The following DIAPH3 variants were observed in gnomAD, a reference collection of about 807,000 sequenced individuals.
DIAPH3 encodes protein diaphanous homolog 3.
DIAPH3 carries 117 observed loss-of-function variants against 144.3 expected under a neutral mutation model. The ratio of observed to expected loss-of-function variants is 0.81; its 90% CI spans 0.70 to 0.95. The LOEUF is 0.95. DIAPH3 is among the 40% of genes least tolerant of loss of function. The pLI is 0.00. For synonymous variants in DIAPH3, 519 were observed against 488.9 expected (o/e 1.06, Z -0.81); for missense variants, 1,421 against 1,412.7 (o/e 1.01, Z -0.09).
At chr13:59,775,257 T>G (rs2139285965) in intron 25 of DIAPH3, among the ~76,000 whole-genome samples, 1 of 152,122 alleles carries the variant, frequency 6.6e-6, no homozygotes, top group African/African-American at 2.4e-5. Flanking sequence ...TTTTTGTTTT[T>G]TTTGAGACAG....
intron 27 of DIAPH3, among the ~76,000 whole-genome samples, chr13:59,709,593 C>T (rs1314547915): frequency 3.9e-5 from 6 of 152,188 alleles, no homozygotes; most frequent in African/African-American, 1.4e-4. Context: ...AGTCAGCAAA[C>T]AACAGGTGCT....
rs1294402888 is a variant in DIAPH3 at position 59,961,387 on chromosome 13, C to T, written c.2074+8557G>A. Among the ~76,000 whole-genome samples the T allele has an allele frequency of 2.0e-5, 3 of 152,322 alleles. No individual in the cohort carries two copies. In the East Asian group the frequency reaches 5.8e-4, roughly 29 times the overall value. ...CTACGCTGTAAAAGCCAGGGTCACACACTTGTAGGGTGGACTCCACAACAT... is the reference window on the plus strand; with the variant it reads ...CTACGCTGTAAAAGCCAGGGTCACATACTTGTAGGGTGGACTCCACAACAT... On this transcript the variant is annotated intron_variant, in intron 17 of 27. Transcript: ENST00000400324.
intron 24 of DIAPH3, among the ~76,000 whole-genome samples, chr13:59,817,186 T>C (rs1292364173): frequency 6.6e-6 from 1 of 151,922 alleles, no homozygotes; most frequent in African/African-American, 2.4e-5. Flanking sequence ...ATTCTTTAAT[T>C]ATCGAGTTTG....
chr13:60,111,731 C>T (rs971759124), intron 3 of DIAPH3, among the ~76,000 whole-genome samples: 2 of 152,168 alleles, frequency 1.3e-5, no homozygotes, highest in South Asian at 2.1e-4. Context: ...GGTTGGGGAC[C>T]GCTGACTTAA....
chr13:59,920,733 A>G (rs977451517), intron 18 of DIAPH3, among the ~76,000 whole-genome samples: 5 of 151,922 alleles, frequency 3.3e-5, no homozygotes, highest in African/African-American at 1.2e-4. Flanking sequence ...ACTCTAGGCC[A>G]AAAGGACCTA....
At chr13:59,841,093 C>G (rs1449379412) in intron 22 of DIAPH3, among the ~76,000 whole-genome samples, 1 of 152,080 alleles carries the variant, frequency 6.6e-6, no homozygotes, top group Non-Finnish European at 1.5e-5. Flanking sequence ...GTTTCATTTA[C>G]TCTTCCCGTT....
chr13:59,765,233 T>G (rs1181351923), intron 27 of DIAPH3, among the ~76,000 whole-genome samples: 1 of 152,226 alleles, frequency 6.6e-6, no homozygotes, highest in Non-Finnish European at 1.5e-5. Flanking sequence ...GAAAATTAAT[T>G]TCCATGTCTC....
chr13:59,741,443 CTG>C (rs1555286157), intron 27 of DIAPH3, among the ~76,000 whole-genome samples: 2 of 151,908 alleles, frequency 1.3e-5, no homozygotes, highest in Non-Finnish European at 2.9e-5. Context: ...GAAGACAAAA[CTG>C]TAAGTATTGC....
chr13:59,726,370 G>A lies in DIAPH3; in HGVS notation c.3319+47819C>T, dbSNP rs775449413. On this transcript the variant is annotated intron_variant, in intron 27 of 27. Coordinates refer to ENST00000400324, the MANE Select transcript of DIAPH3 (RefSeq NM_001042517.2). ...AATTTGTGTGAATGTGTTATTCACA[G>A]ATAGAACCAGTTAATCTGAGTATAA... 5.3e-5 allele frequency among the ~76,000 whole-genome samples: 8 copies of A among 152,306 alleles called. No individual in the cohort carries two copies. In the South Asian group the frequency reaches 6.2e-4, roughly 12 times the overall value.
intron 5 of DIAPH3, among the ~76,000 whole-genome samples, chr13:60,024,433 A>T (rs1377384266): frequency 6.6e-6 from 1 of 151,860 alleles, no homozygotes; most frequent in Non-Finnish European, 1.5e-5. Flanking sequence ...CACTTCTAAG[A>T]TTTACATTTG....
intron 20 of DIAPH3, among the ~76,000 whole-genome samples, chr13:59,902,890 T>C (rs2046522410): frequency 2.0e-5 from 3 of 152,244 alleles, no homozygotes; most frequent in African/African-American, 7.2e-5. Context: ...AATAATAGTT[T>C]ATTATTTCAA....
intron 25 of DIAPH3, among the ~76,000 whole-genome samples, chr13:59,799,258 A>C (rs2039771046): frequency 6.6e-6 from 1 of 152,038 alleles, no homozygotes; most frequent in Non-Finnish European, 1.5e-5. Context: ...GGGCATATGC[A>C]CAGAAGGGTG....
intron 17 of DIAPH3, among the ~76,000 whole-genome samples, chr13:59,943,788 TAA>T (rs1410448292): frequency 6.6e-6 from 1 of 152,162 alleles, no homozygotes; most frequent in African/African-American, 2.4e-5. Flanking sequence ...AGAAGCCCAG[TAA>T]AAGTTTATTA....
At chr13:59,679,913 G>A (rs2032853209) in intron 27 of DIAPH3, among the ~76,000 whole-genome samples, 1 of 152,074 alleles carries the variant, frequency 6.6e-6, no homozygotes, top group Non-Finnish European at 1.5e-5. Flanking sequence ...ATGGCAGAAT[G>A]TTCTCTTTTT....
At chr13:59,702,426 A>C (rs1169897587) in intron 27 of DIAPH3, among the ~76,000 whole-genome samples, 1 of 152,218 alleles carries the variant, frequency 6.6e-6, no homozygotes, top group Non-Finnish European at 1.5e-5. Flanking sequence ...TATTATATTC[A>C]CAGTGTGGAA....
chr13:59,927,326 A>G (rs1184660511), intron 17 of DIAPH3, among the ~76,000 whole-genome samples: 1 of 152,162 alleles, frequency 6.6e-6, no homozygotes, highest in Non-Finnish European at 1.5e-5. Context: ...AATCAAGGTC[A>G]TTAATGGGTT....
intron 11 of DIAPH3, 66 bp downstream of exon 11, chr13:59,992,002 C>A: frequency 8.0e-7 from 1 of 1,247,422 alleles, no homozygotes; most frequent in Non-Finnish European, 1.2e-6. Context: ...ATATTTGTGG[C>A]TGAGTATTTT....
intron 5 of DIAPH3, among the ~76,000 whole-genome samples, chr13:60,037,292 C>G (rs1345524040): frequency 6.6e-6 from 1 of 151,580 alleles, no homozygotes; most frequent in African/African-American, 2.4e-5. Context: ...GGACAAAAAT[C>G]AAAAAGAATG....
intron 25 of DIAPH3, among the ~76,000 whole-genome samples, chr13:59,796,692 C>T (rs1275951259): frequency 6.6e-6 from 1 of 152,024 alleles, no homozygotes; most frequent in East Asian, 1.9e-4. Context: ...TGTGGGCAAA[C>T]ATTCTAAACA....
Sources: allele counts gnomAD v4.1 joint callset (sites outside exome capture counted in the v4.1 genomes callset), GRCh38; gene constraint gnomAD v4.1.1; transcripts MANE v1.5; gene names NCBI Gene and HGNC (gene_info 2026-07-23, HGNC 2026-07-21).